EPSTI1: variants seen among roughly 807,000 people sequenced by gnomAD.
The protein encoded by EPSTI1 is epithelial-stromal interaction protein 1.
EPSTI1 carries 66 observed loss-of-function variants against 49.9 expected under a neutral mutation model. The observed-to-expected ratio is 1.32, with a 90% CI of 1.08 to 1.62. EPSTI1 has a LOEUF of 1.62. EPSTI1 is among the 40% of genes most tolerant of loss of function. EPSTI1 has a pLI of 0.00. For missense variants in EPSTI1, 394 were observed against 365.5 expected (o/e 1.08, Z -0.64); for synonymous variants, 137 against 130.7 (o/e 1.05, Z -0.33).
intron 8 of EPSTI1, among the ~76,000 whole-genome samples, chr13:42,910,473 C>T (rs947773079): frequency 1.6e-4 from 24 of 151,838 alleles, no homozygotes; most frequent in Non-Finnish European, 2.9e-4. Context: ...AGGCTGGTCT[C>T]GAACTCCTGA....
At chr13:42,954,823 G>T (rs1435244629) in intron 5 of EPSTI1, among the ~76,000 whole-genome samples, 1 of 152,140 alleles carries the variant, frequency 6.6e-6, no homozygotes, top group African/African-American at 2.4e-5. Context: ...AGTTTTAAAT[G>T]AATCCAAGAG....
chr13:42,991,721 T>C (rs1372767180), intron 1 of EPSTI1, among the ~76,000 whole-genome samples: 2 of 152,234 alleles, frequency 1.3e-5, no homozygotes, highest in Non-Finnish European at 2.9e-5. Flanking sequence ...TTCAATCCTG[T>C]AGCCAGTCAC....
Position 42,963,351 on chromosome 13 carries a change from G to A in EPSTI1, c.406-13C>T, listed in dbSNP as rs1434584656. ...CTTCTCTTTTTAGCTAAATTGTATT[G>A]AAATTACAGAGAACAAAAACAGTTA... is the stretch of plus-strand genomic sequence containing the variant. On this transcript the variant is annotated splice_polypyrimidine_tract_variant and intron_variant, in intron 4 of 10. Coordinates refer to ENST00000313624, the MANE Select transcript of EPSTI1 (RefSeq NM_033255.5). 6.3e-7 allele frequency: 1 copy of A among 1,592,214 alleles called. No individual in the cohort carries two copies. The highest frequency in any genetic ancestry group is 2.2e-5 in the East Asian group (1 of 44,756).
At chr13:42,959,107 G>A (rs1475315107) in intron 5 of EPSTI1, among the ~76,000 whole-genome samples, 1 of 152,024 alleles carries the variant, frequency 6.6e-6, no homozygotes, top group Non-Finnish European at 1.5e-5. Context: ...TTGTACTAAG[G>A]GCTGTGTATA....
chr13:42,969,260 ATTAG>A, intron 2 of EPSTI1, 83 bp from the exon 3 acceptor site: 1 of 1,317,958 alleles, frequency 7.6e-7, no homozygotes, highest in Non-Finnish European at 1.1e-6. Flanking sequence ...AGAAACAACT[ATTAG>A]AAGGCAATTA....
chr13:42,989,560 C>CTTTTTGCTTT (rs2040149325), intron 1 of EPSTI1, among the ~76,000 whole-genome samples: 1 of 37,030 alleles, frequency 2.7e-5, no homozygotes, highest in Non-Finnish European at 7.6e-5. Flanking sequence ...ACTTTATCCT[C>CTTTTTGCTTT]TTTTTTCTTT....
At chr13:42,956,604 G>C (rs564357017) in intron 5 of EPSTI1, among the ~76,000 whole-genome samples, 1 of 152,264 alleles carries the variant, frequency 6.6e-6, no homozygotes, top group Admixed American at 6.5e-5. Context: ...CTTTTTCTGT[G>C]TCTCACAAAG....
intron 9 of EPSTI1, among the ~76,000 whole-genome samples, chr13:42,899,445 G>C (rs191292106): frequency 8.1e-4 from 124 of 152,202 alleles, no homozygotes; most frequent in African/African-American, 2.9e-3. Flanking sequence ...TCAAATAAAA[G>C]TGAGCTCCCC....
At chr13:42,919,320 G>A (rs2153419071) in intron 7 of EPSTI1, 2 of 1,613,632 alleles carry the variant, frequency 1.2e-6, no homozygotes, top group Non-Finnish European at 8.5e-7. Flanking sequence ...TCCCTAGGCA[G>A]GATAGGAAGT....
chr13:42,963,521 G>A (rs1026595859), intron 4 of EPSTI1, 183 bp from the exon 5 acceptor site: 46 of 580,724 alleles, frequency 7.9e-5, no homozygotes, highest in East Asian at 7.6e-4. Flanking sequence ...TCTTCTGCCC[G>A]TGAAATTTCT....
At chr13:42,954,766 A>T (rs2039208379) in intron 5 of EPSTI1, among the ~76,000 whole-genome samples, 1 of 152,214 alleles carries the variant, frequency 6.6e-6, no homozygotes, top group Admixed American at 6.5e-5. Flanking sequence ...TAGACAACAA[A>T]TTTAATGGAG....
intron 6 of EPSTI1, among the ~76,000 whole-genome samples, chr13:42,928,341 T>G: frequency 6.6e-6 from 1 of 152,170 alleles, no homozygotes; most frequent in Non-Finnish European, 1.5e-5. Flanking sequence ...CTGGTTATAT[T>G]TAACAAAAAT....
chr13:42,974,623 C>T (rs2039844102), intron 1 of EPSTI1, among the ~76,000 whole-genome samples: 1 of 151,060 alleles, frequency 6.6e-6, no homozygotes. Context: ...TGCGCCACTG[C>T]ACTCCCGCCT....
At chr13:42,933,467 C>A (rs1472394946) in intron 6 of EPSTI1, among the ~76,000 whole-genome samples, 3 of 152,126 alleles carry the variant, frequency 2.0e-5, no homozygotes, top group Non-Finnish European at 4.4e-5. Context: ...AGCAGACATC[C>A]TGTTTGCTCC....
chr13:42,964,232 A>C, intron 3 of EPSTI1, 93 bp from the exon 4 acceptor site: 1 of 919,324 alleles, frequency 1.1e-6, no homozygotes, highest in Non-Finnish European at 1.6e-6. Flanking sequence ...AATCTATAAC[A>C]TGAGTTCCCT....
intron 1 of EPSTI1, among the ~76,000 whole-genome samples, chr13:42,980,703 C>T (rs1292956591): frequency 6.6e-6 from 1 of 151,982 alleles, no homozygotes; most frequent in Non-Finnish European, 1.5e-5. Flanking sequence ...GCATCATGGC[C>T]CTAGGTTTTC....
At chr13:42,987,619 A>G (rs2040109055) in intron 1 of EPSTI1, among the ~76,000 whole-genome samples, 1 of 151,972 alleles carries the variant, frequency 6.6e-6, no homozygotes, top group South Asian at 2.1e-4. Context: ...GTGTTAGTGT[A>G]TTTTGTGTGG....
In EPSTI1 at chr13:42,887,207, C is replaced by G. The variant is rs1308294374; in HGVS notation, c.*1287G>C. ...ACAGCACTAACACAGCTTCAGCTGG[C>G]GGAGGAGAGGGAAACCAAGAATATC... On this transcript the variant is annotated 3_prime_UTR_variant, in exon 11 of 11. Coordinates refer to ENST00000313624, the MANE Select transcript of EPSTI1 (RefSeq NM_033255.5). 1 of 152,180 alleles carries G rather than the reference C, an allele frequency of 6.6e-6. No individual in the cohort carries two copies. Among genetic ancestry groups the G allele is most frequent in the Non-Finnish European group, 1.5e-5 (1 of 68,036 alleles). 9.4% of individuals were successfully genotyped at this position (152,180 alleles called of 1,614,324 possible).
At chr13:42,951,774 C>A (rs1312162798) in intron 6 of EPSTI1, among the ~76,000 whole-genome samples, 1 of 152,168 alleles carries the variant, frequency 6.6e-6, no homozygotes, top group African/African-American at 2.4e-5. Flanking sequence ...GTGCCCAAGG[C>A]CCCTCACTGT....
Sources: allele counts gnomAD v4.1 joint callset (sites outside exome capture counted in the v4.1 genomes callset), GRCh38; gene constraint gnomAD v4.1.1; transcripts MANE v1.5; gene names NCBI Gene and HGNC (gene_info 2026-07-23, HGNC 2026-07-21).